Variants in MYRIP observed in about 807,000 individuals in gnomAD.
MYRIP encodes myosin VIIA and Rab interacting protein.
In MYRIP, 49 loss-of-function variants were observed where a neutral mutation model predicts 98.0. The observed-to-expected ratio is 0.50, with a 90% confidence interval of 0.40 to 0.63. The LOEUF (loss-of-function observed/expected upper bound fraction) is 0.63. Ranked by LOEUF, MYRIP falls within the 30% of genes least tolerant of loss-of-function variation. MYRIP has a pLI of 0.00. For missense variants in MYRIP, 1,004 were observed against 1,058.2 expected (o/e 0.95, Z 0.71); for synonymous variants, 404 against 409.5 (o/e 0.99, Z 0.16).
At chr3:40,134,774 A>G (rs9809136) in intron 3 of MYRIP, among the ~76,000 whole-genome samples, 53,492 of 152,130 alleles carry the variant, frequency 0.35, 9,991 homozygotes, top group South Asian at 0.55. Context: ...GGCAAACAGG[A>G]TCTGGAGTGG....
chr3:39,964,982 G>T (rs1654107841), intron 2 of MYRIP, among the ~76,000 whole-genome samples: 1 of 152,076 alleles, frequency 6.6e-6, no homozygotes, highest in Non-Finnish European at 1.5e-5. Context: ...TTTGGATTTT[G>T]AAATAACCCG....
At chr3:40,121,415 C>T (rs116094418) in intron 3 of MYRIP, among the ~76,000 whole-genome samples, 237 of 152,248 alleles carry the variant, frequency 1.6e-3, no homozygotes, top group African/African-American at 5.3e-3. Context: ...ACATTTAAGG[C>T]AAGCATTTTG....
intron 2 of MYRIP, among the ~76,000 whole-genome samples, chr3:39,936,400 T>C (rs923698783): frequency 3.9e-5 from 6 of 152,062 alleles, no homozygotes; most frequent in Admixed American, 6.6e-5. Flanking sequence ...GATGGGGGAT[T>C]TATGGGGCTG....
At chr3:40,033,536 G>A (rs1947307842) in intron 2 of MYRIP, among the ~76,000 whole-genome samples, 2 of 152,130 alleles carry the variant, frequency 1.3e-5, no homozygotes, top group African/African-American at 4.8e-5. Flanking sequence ...CCTCTTCAAG[G>A]AGAACTACAA....
intron 8 of MYRIP, among the ~76,000 whole-genome samples, chr3:40,171,930 G>C (rs964573815): frequency 3.0e-4 from 45 of 152,360 alleles, no homozygotes; most frequent in African/African-American, 1.1e-3. Flanking sequence ...GAAAGTGAAG[G>C]AGGAGCAAAG....
intron 11 of MYRIP, among the ~76,000 whole-genome samples, chr3:40,217,984 A>G (rs1462431663): frequency 6.6e-6 from 1 of 152,204 alleles, no homozygotes; most frequent in Admixed American, 6.5e-5. Flanking sequence ...AGGATGGCCT[A>G]TCACAAAAGA....
rs974787933 is a variant in MYRIP at position 39,916,239 on chromosome 3, T to G, written c.110+15313T>G. ...TTTTTCAATAAAAACCCCAGTTCAT[T>G]AGCTTTAACAGTGGCACTGCTCCAA... is the stretch of plus-strand genomic sequence containing the variant. On this transcript the variant is annotated intron_variant, in intron 2 of 16. Transcript: ENST00000302541. Among the ~76,000 whole-genome samples the G allele has an allele frequency of 2.6e-5, 4 of 151,998 alleles. No individual in the cohort carries two copies. In the South Asian group the frequency reaches 8.3e-4, roughly 32 times the overall value.
intron 3 of MYRIP, among the ~76,000 whole-genome samples, chr3:40,115,413 G>T (rs1949249881): frequency 1.3e-5 from 2 of 152,136 alleles, no homozygotes; most frequent in African/African-American, 4.8e-5. Flanking sequence ...TCACAGGGTG[G>T]CAGGAGAGAG....
Position 40,170,105 on chromosome 3 carries a change from A to C in MYRIP, c.873+12A>C, listed in dbSNP as rs767496955. On this transcript the variant is annotated intron_variant, in intron 8 of 16. Transcript: ENST00000302541. ...CCGCTGCCCTCTGGGTGAGTCCCCA[A>C]GCAGTGCTGGTCTACCCTCCACACG... The C allele has an allele frequency of 6.2e-7, 1 of 1,613,858 alleles. No homozygotes were observed. Among genetic ancestry groups the C allele is most frequent in the East Asian group, 2.2e-5 (1 of 44,876 alleles).
chr3:39,889,298 G>A (rs1466886840), intron 1 of MYRIP, among the ~76,000 whole-genome samples: 1 of 152,102 alleles, frequency 6.6e-6, no homozygotes, highest in African/African-American at 2.4e-5. Context: ...AACAACGATA[G>A]ACTGGATTAA....
At chr3:39,919,727 T>TGTGAGAGAGAGAGAGA (rs1553645683) in intron 2 of MYRIP, among the ~76,000 whole-genome samples, 1 of 123,384 alleles carries the variant, frequency 8.1e-6, no homozygotes, top group African/African-American at 3.1e-5. Flanking sequence ...TGTGTGTGTG[T>TGTGAGAGAGAGAGAGA]GAGAGAGAGA....
At chr3:40,159,727 C>T (rs1418611975) in intron 4 of MYRIP, among the ~76,000 whole-genome samples, 2 of 152,198 alleles carry the variant, frequency 1.3e-5, no homozygotes, top group Non-Finnish European at 2.9e-5. Flanking sequence ...CTTCCCTTCT[C>T]ACTTCATTTC....
chr3:39,906,794 G>T (rs908713020), intron 2 of MYRIP, among the ~76,000 whole-genome samples: 5 of 152,218 alleles, frequency 3.3e-5, no homozygotes, highest in Non-Finnish European at 5.9e-5. Flanking sequence ...ACCAGGTACT[G>T]TTGGACAGCT....
chr3:40,210,190 A>C (rs1951885985), intron 11 of MYRIP, 97 bp downstream of exon 11: 10 of 1,436,224 alleles, frequency 7.0e-6, no homozygotes, highest in Non-Finnish European at 9.3e-6. Context: ...TGGGTCCCCA[A>C]AGAGCTCTCT....
chr3:39,982,255 T>A (rs1313608896), intron 2 of MYRIP, among the ~76,000 whole-genome samples: 1 of 152,186 alleles, frequency 6.6e-6, no homozygotes, highest in African/African-American at 2.4e-5. Context: ...GGTGACAGAG[T>A]TGAACAGGGC....
chr3:39,827,973 C>A (rs1242440225), intron 1 of MYRIP, among the ~76,000 whole-genome samples: 1 of 151,956 alleles, frequency 6.6e-6, no homozygotes, highest in Non-Finnish European at 1.5e-5. Flanking sequence ...TCATGGGATT[C>A]CCTTATATGT....
Position 40,259,586 on chromosome 3 carries a change from CTCT to C in MYRIP, c.*1421_*1423del, listed in dbSNP as rs1317476169. 1 of 152,220 alleles carries C rather than the reference CTCT, an allele frequency of 6.6e-6. No homozygotes were observed. Among genetic ancestry groups the C allele is most frequent in the African/African-American group, 2.4e-5 (1 of 41,444 alleles). 9.4% of individuals were successfully genotyped at this position (152,220 alleles called of 1,614,324 possible). A position where few individuals can be genotyped will look rare whatever the true frequency, so the allele number is the denominator to read the frequency against. Reference sequence around the variant, plus strand: ...ATTGGAATGCATCACAAAAGCCTAACTCTGTTGTTTTCAACCTCTACGTTATTT... The same window carrying C: ...ATTGGAATGCATCACAAAAGCCTAACGTTGTTTTCAACCTCTACGTTATTT... On this transcript the variant is annotated 3_prime_UTR_variant, in exon 17 of 17. Coordinates refer to ENST00000302541, the MANE Select transcript of MYRIP (RefSeq NM_015460.4).
intron 3 of MYRIP, among the ~76,000 whole-genome samples, chr3:40,096,005 C>T (rs1391893997): frequency 6.6e-6 from 1 of 151,600 alleles, no homozygotes; most frequent in African/African-American, 2.4e-5. Flanking sequence ...GCACACTTCC[C>T]CCTCACACTC....
chr3:39,841,883 G>A (rs867273091), intron 1 of MYRIP, among the ~76,000 whole-genome samples: 2 of 152,176 alleles, frequency 1.3e-5, no homozygotes, highest in Admixed American at 6.5e-5. Context: ...GCTGTATAAG[G>A]TGTCTGTCAA....
Sources: gnomAD v4.1 joint callset for allele counts (sites outside exome capture counted in the v4.1 genomes callset) on GRCh38, gnomAD v4.1.1 for gene constraint, MANE v1.5 for transcripts, NCBI Gene and HGNC (gene_info 2026-07-23, HGNC 2026-07-21) for gene names.